The following CRYBG1 variants were observed in gnomAD, a reference collection of about 807,000 sequenced individuals.
The protein encoded by CRYBG1 is crystallin beta-gamma domain containing 1.
Under a neutral mutation model 189.2 loss-of-function variants are expected in CRYBG1, and 139 were observed. That is an observed-to-expected ratio of 0.73 (90% CI 0.64 to 0.85). The LOEUF (loss-of-function observed/expected upper bound fraction) is 0.85. Ranked by LOEUF, CRYBG1 falls within the 40% of genes least tolerant of loss-of-function variation. CRYBG1 has a pLI of 0.00. For synonymous variants in CRYBG1, 1,023 were observed against 1,017.1 expected, an observed-to-expected ratio of 1.01 and a Z score of -0.11; for missense variants, 2,611 against 2,675.8, an observed-to-expected ratio of 0.98 and a Z score of 0.53.
Position 106,361,975 on chromosome 6 carries a change from T to TCTTTCTTTCTTTCTTTCTTTCTTTC in CRYBG1, c.173+894_173+895insCTTTCTTTCTTTCTTTCTTTCTTTC, listed in dbSNP as rs373178193. 2.2e-3 allele frequency among the ~76,000 whole-genome samples: 284 copies of TCTTTCTTTCTTTCTTTCTTTCTTTC among 129,566 alleles called. 6 individuals carry two copies. The highest frequency in any genetic ancestry group is 7.8e-3 in the Middle Eastern group (2 of 258). The allele number at this position is 129,566 out of a possible 152,430, so 85.0% of individuals were successfully genotyped here. A position where few individuals can be genotyped will look rare whatever the true frequency, so the allele number is the denominator to read the frequency against. On this transcript the variant is annotated intron_variant, in intron 1 of 21. Transcript: ENST00000633556. ...TCCTTTTATTTCTTTCTTTCTTTTT[T>TCTTTCTTTCTTTCTTTCTTTCTTTC]TTTTTTTTTTTCTGAGACGGAGTCT...
intron 4 of CRYBG1, among the ~76,000 whole-genome samples, chr6:106,523,531 C>G (rs1030382029): frequency 6.6e-6 from 1 of 151,962 alleles, no homozygotes; most frequent in African/African-American, 2.4e-5. Context: ...TTTTTCTAGG[C>G]CTTTTTATGA....
chr6:106,547,247 CT>C (rs1774285946), intron 13 of CRYBG1, among the ~76,000 whole-genome samples: 1 of 152,026 alleles, frequency 6.6e-6, no homozygotes, highest in Non-Finnish European at 1.5e-5. Flanking sequence ...TATGGAAGGG[CT>C]TTTGTATTTA....
chr6:106,567,455 T>C lies in CRYBG1; in HGVS notation c.6302-1017T>C, dbSNP rs952143756. Among the ~76,000 whole-genome samples, 40 of 152,242 alleles carry C rather than the reference T, an allele frequency of 2.6e-4. 1 individual carries two copies. The highest frequency in any genetic ancestry group is 3.9e-4 in the Admixed American group (6 of 15,292). On this transcript the variant is annotated intron_variant, in intron 21 of 21. Transcript: ENST00000633556. ...TCCTCAACTATAATACCTAGATTTATTGTGTAAATTCCCAAACCTTTTTCA... is the reference window on the plus strand; with the variant it reads ...TCCTCAACTATAATACCTAGATTTACTGTGTAAATTCCCAAACCTTTTTCA...
chr6:106,488,758 G>T (rs770918352), intron 2 of CRYBG1, among the ~76,000 whole-genome samples: 15 of 152,182 alleles, frequency 9.9e-5, no homozygotes, highest in Non-Finnish European at 2.1e-4. Flanking sequence ...TTTGGCGTGG[G>T]TGTCCCAGTT....
At chr6:106,369,951 G>A (rs1769984582) in intron 1 of CRYBG1, among the ~76,000 whole-genome samples, 1 of 152,292 alleles carries the variant, frequency 6.6e-6, no homozygotes, top group East Asian at 1.9e-4. Flanking sequence ...TTGAGTCCTT[G>A]TGGTTAATCA....
chr6:106,499,489 A>T (rs893903589), intron 2 of CRYBG1, among the ~76,000 whole-genome samples: 1 of 117,734 alleles, frequency 8.5e-6, no homozygotes, highest in Non-Finnish European at 1.7e-5. Flanking sequence ...AAAAATTTTT[A>T]AATTTAAATT....
At position 106,548,791 on chromosome 6, in the gene CRYBG1, G is replaced by A. The variant is rs77360741; in HGVS notation, c.5313-3061G>A. On this transcript the variant is annotated intron_variant, in intron 13 of 21. Coordinates refer to ENST00000633556, the MANE Select transcript of CRYBG1 (RefSeq NM_001371242.2). ...AAGTTTTAGGGTACATGTGCACAAC[G>A]TGCAGGTTAGTTACATATGTATACA... is the stretch of plus-strand genomic sequence containing the variant. Among the ~76,000 whole-genome samples, 6 of 150,914 alleles carry A rather than the reference G, an allele frequency of 4.0e-5. No individual in the cohort carries two copies. In the East Asian group the frequency reaches 9.8e-4, roughly 25 times the overall value.
intron 1 of CRYBG1, among the ~76,000 whole-genome samples, chr6:106,375,253 G>T (rs971165379): frequency 6.6e-6 from 1 of 152,078 alleles, no homozygotes; most frequent in African/African-American, 2.4e-5. Context: ...AGGCGTGGTG[G>T]CATGTGCCTG....
intron 1 of CRYBG1, among the ~76,000 whole-genome samples, chr6:106,380,213 A>G (rs1168658844): frequency 1.3e-5 from 2 of 152,302 alleles, no homozygotes; most frequent in East Asian, 3.9e-4. Context: ...TCTTAAGTGG[A>G]AATTCAGTAG....
At chr6:106,564,289 T>C (rs1774809499) in intron 21 of CRYBG1, among the ~76,000 whole-genome samples, 1 of 152,214 alleles carries the variant, frequency 6.6e-6, no homozygotes, top group African/African-American at 2.4e-5. Context: ...AAACATTTAT[T>C]TTATTATAAT....
chr6:106,393,476 G>C (rs751053525), intron 1 of CRYBG1, among the ~76,000 whole-genome samples: 30 of 152,188 alleles, frequency 2.0e-4, no homozygotes, highest in Non-Finnish European at 2.9e-4. Context: ...CCTTGGGCTT[G>C]CACTGCAGGG....
At chr6:106,449,335 C>T (rs2114433815) in intron 1 of CRYBG1, 1 of 152,364 alleles carries the variant, frequency 6.6e-6, no homozygotes, top group East Asian at 1.9e-4. Context: ...GGGGAGCAGA[C>T]TGCCTAACAT....
At chr6:106,471,608 A>G (rs1234674426) in intron 2 of CRYBG1, among the ~76,000 whole-genome samples, 1 of 152,048 alleles carries the variant, frequency 6.6e-6, no homozygotes, top group African/African-American at 2.4e-5. Flanking sequence ...GCTTGGTACA[A>G]TTTTTTAAGT....
At chr6:106,455,850 T>C (rs895694838) in intron 2 of CRYBG1, among the ~76,000 whole-genome samples, 1 of 152,210 alleles carries the variant, frequency 6.6e-6, no homozygotes, top group Non-Finnish European at 1.5e-5. Context: ...AGTGCATGTG[T>C]GTGCATGTGT....
intron 3 of CRYBG1, among the ~76,000 whole-genome samples, chr6:106,513,318 G>A (rs912881681): frequency 2.6e-5 from 4 of 152,298 alleles, no homozygotes; most frequent in African/African-American, 9.6e-5. Flanking sequence ...ATGTAGATGA[G>A]AGATAAGACC....
Position 106,541,319 on chromosome 6 carries a change from T to G in CRYBG1, c.4846-267T>G, listed in dbSNP as rs764493663. 19 of 608,340 alleles carry G rather than the reference T, an allele frequency of 3.1e-5. 1 individual carries two copies. Among genetic ancestry groups the G allele is most frequent in the South Asian group, 2.9e-4 (19 of 65,784 alleles). 37.7% of individuals were successfully genotyped at this position (608,340 alleles called of 1,614,324 possible). ...AAGTATGGATTTTTATGATAAATTT[T>G]CCAAGTTAAAAAAACTTGCTAGGTC... On this transcript the variant is annotated intron_variant, in intron 9 of 21. Transcript: ENST00000633556.
At chr6:106,513,104 A>G in intron 3 of CRYBG1, 65 bp downstream of exon 3, 2 of 1,519,884 alleles carry the variant, frequency 1.3e-6, no homozygotes, top group Non-Finnish European at 8.8e-7. Flanking sequence ...CCGCTCTGAG[A>G]GGCTCGGGGT....
chr6:106,519,132 C>A lies in CRYBG1; in HGVS notation c.1924C>A (p.Pro642Thr), dbSNP rs1320049631. Residue 642 changes from proline (P) to threonine (T), a missense_variant and splice_region_variant, in exon 4 of 22, where the codon CCT becomes ACT. Transcript: ENST00000633556. ...RSTVTTKVTLPAKPKHVELNL... is the reference protein window; with the variant it reads ...RSTVTTKVTLTAKPKHVELNL... Reference sequence around the variant, plus strand: ...TATCTTCCTGCTTTTTCCTCACAGCCCTGCCAAGCCCAAACATGTGGAACT... The same window carrying A: ...TATCTTCCTGCTTTTTCCTCACAGCACTGCCAAGCCCAAACATGTGGAACT... 6.2e-7 allele frequency: 1 copy of A among 1,607,786 alleles called. No homozygotes were observed. The highest frequency in any genetic ancestry group is 1.7e-5 in the Admixed American group (1 of 58,954).
At chr6:106,422,191 T>A (rs1294766183) in intron 1 of CRYBG1, among the ~76,000 whole-genome samples, 1 of 152,208 alleles carries the variant, frequency 6.6e-6, no homozygotes, top group Non-Finnish European at 1.5e-5. Flanking sequence ...CTGCAGCCTA[T>A]CCACACATAT....
Sources: allele counts gnomAD v4.1 joint callset (sites outside exome capture counted in the v4.1 genomes callset), GRCh38; gene constraint gnomAD v4.1.1; transcripts MANE v1.5; gene names NCBI Gene and HGNC (gene_info 2026-07-23, HGNC 2026-07-21).